Variants in STPG2 observed in about 807,000 individuals in gnomAD.
STPG2 encodes the protein sperm tail PG-rich repeat containing 2.
Under a neutral mutation model 54.2 loss-of-function variants are expected in STPG2, and 56 were observed. The observed-to-expected ratio is 1.03, with a 90% CI of 0.83 to 1.29. The LOEUF is 1.29. STPG2 is among the 50% of genes most tolerant of loss of function. STPG2 has a pLI of 0.00. For synonymous variants in STPG2, 200 were observed against 181.8 expected, an observed-to-expected ratio of 1.10 and a Z score of -0.81; for missense variants, 596 against 544.9, an observed-to-expected ratio of 1.09 and a Z score of -0.93.
chr4:97,716,666 AG>A lies in STPG2; in HGVS notation c.1205-3853del, dbSNP rs572426377. On this transcript the variant is annotated intron_variant, in intron 9 of 10. Coordinates refer to ENST00000295268, the MANE Select transcript of STPG2 (RefSeq NM_174952.3). The stretch of plus-strand genomic sequence containing the variant: ...ATGAACAATGAGAACACATGGACAC[AG>A]GGAGGGGAACATCACACACTGGAGG... Among the ~76,000 whole-genome samples, 69 of 130,766 alleles carry A rather than the reference AG, an allele frequency of 5.3e-4. 1 individual carries two copies. Among genetic ancestry groups the A allele is most frequent in the Admixed American group, 3.6e-3 (42 of 11,830 alleles). 85.8% of individuals were successfully genotyped at this position (130,766 alleles called of 152,430 possible). A position where few individuals can be genotyped will look rare whatever the true frequency, so the allele number is the denominator to read the frequency against.
intron 7 of STPG2, among the ~76,000 whole-genome samples, chr4:97,955,460 C>A (rs887284376): frequency 3.3e-5 from 5 of 152,082 alleles, no homozygotes; most frequent in Non-Finnish European, 7.4e-5. Flanking sequence ...CGTGATCCAC[C>A]CATCTCGGCC....
intron 5 of STPG2, among the ~76,000 whole-genome samples, chr4:98,018,939 T>C (rs1187233470): frequency 6.6e-6 from 1 of 152,020 alleles, no homozygotes. Flanking sequence ...GATGAGTAGG[T>C]TGCGAAAATT....
At chr4:97,914,623 A>G (rs957332818) in intron 8 of STPG2, among the ~76,000 whole-genome samples, 1 of 152,128 alleles carries the variant, frequency 6.6e-6, no homozygotes, top group Non-Finnish European at 1.5e-5. Flanking sequence ...CCACCATTCT[A>G]CAAGTTGCAC....
At chr4:97,902,901 C>A (rs1351484720) in intron 8 of STPG2, among the ~76,000 whole-genome samples, 1 of 151,992 alleles carries the variant, frequency 6.6e-6, no homozygotes, top group Non-Finnish European at 1.5e-5. Context: ...ACATAAGTGG[C>A]CACTAATGGA....
At position 97,773,684 on chromosome 4, in the gene STPG2, A is replaced by G. The variant is rs570036556; in HGVS notation, c.1205-60870T>C. Among the ~76,000 whole-genome samples the G allele has an allele frequency of 4.5e-4, 68 of 152,312 alleles. 1 individual carries two copies. Among genetic ancestry groups the G allele is most frequent in the African/African-American group, 1.5e-3 (64 of 41,562 alleles). ...ATCCTAAAATTACTATACTGTATTTATACTTTGAAAAGTTCAACTAAAAAG... is the reference window on the plus strand; with the variant it reads ...ATCCTAAAATTACTATACTGTATTTGTACTTTGAAAAGTTCAACTAAAAAG... On this transcript the variant is annotated intron_variant, in intron 9 of 10. Coordinates refer to ENST00000295268, the MANE Select transcript of STPG2 (RefSeq NM_174952.3).
intron 10 of STPG2, among the ~76,000 whole-genome samples, chr4:97,685,155 A>T (rs974314704): frequency 2.6e-5 from 4 of 152,056 alleles, no homozygotes; most frequent in African/African-American, 9.7e-5. Flanking sequence ...TTAGAAGACA[A>T]TCTGGCAGCG....
intron 9 of STPG2, among the ~76,000 whole-genome samples, chr4:97,724,434 A>G (rs1346922335): frequency 6.6e-6 from 1 of 152,128 alleles, no homozygotes; most frequent in African/African-American, 2.4e-5. Context: ...AATTCTCTTT[A>G]TGAAATTGTT....
Position 97,965,105 on chromosome 4 carries a change from A to G in STPG2, c.933+7175T>C, listed in dbSNP as rs946198802. Among the ~76,000 whole-genome samples the G allele has an allele frequency of 3.9e-5, 6 of 152,320 alleles. No homozygotes were observed. The South Asian group carries it at 8.3e-4, about 21-fold the overall frequency. ...TCCTAGCCAAGGGAAGCCGTGACAG[A>G]CTGTACCTGGAAAATTGTTTCACTC... On this transcript the variant is annotated intron_variant, in intron 7 of 10. Transcript: ENST00000295268.
At chr4:97,610,981 T>A (rs2148914797) in intron 10 of STPG2, among the ~76,000 whole-genome samples, 1 of 152,178 alleles carries the variant, frequency 6.6e-6, no homozygotes, top group East Asian at 1.9e-4. Context: ...ATACTATTTA[T>A]AAGTATCCAC....
chr4:97,467,921 T>C (rs1388396609), intron 4 of STPG2, among the ~76,000 whole-genome samples: 1 of 151,610 alleles, frequency 6.6e-6, no homozygotes, highest in Non-Finnish European at 1.5e-5. Context: ...GAGGTTCTTA[T>C]GTGGCATACT....
intron 5 of STPG2, among the ~76,000 whole-genome samples, chr4:98,040,969 C>T (rs979713579): frequency 1.3e-5 from 2 of 151,770 alleles, no homozygotes; most frequent in Non-Finnish European, 3.0e-5. Flanking sequence ...TCCCATTTCA[C>T]GAGCATGGGA....
chr4:98,138,261 A>C (rs1249844266), intron 1 of STPG2, among the ~76,000 whole-genome samples: 1 of 152,124 alleles, frequency 6.6e-6, no homozygotes, highest in Non-Finnish European at 1.5e-5. Flanking sequence ...CTGGGGAATT[A>C]GAGATGGTAG....
chr4:97,460,852 G>T (rs2148807535), intron 4 of STPG2, among the ~76,000 whole-genome samples: 1 of 152,240 alleles, frequency 6.6e-6, no homozygotes, highest in African/African-American at 2.4e-5. Context: ...TTGAACTTTA[G>T]ATAAATGGAA....
chr4:98,055,884 G>T (rs1737465870), intron 5 of STPG2, among the ~76,000 whole-genome samples: 1 of 152,044 alleles, frequency 6.6e-6, no homozygotes, highest in South Asian at 2.1e-4. Flanking sequence ...GAATGCTCTG[G>T]GAGCCCACAC....
intron 10 of STPG2, among the ~76,000 whole-genome samples, chr4:97,577,087 AT>A (rs1435000787): frequency 2.0e-5 from 3 of 152,176 alleles, no homozygotes; most frequent in Non-Finnish European, 4.4e-5. Flanking sequence ...AAGTAAAAAA[AT>A]AACAGATGTT....
intron 9 of STPG2, among the ~76,000 whole-genome samples, chr4:97,801,352 C>T (rs1449924935): frequency 1.3e-5 from 2 of 152,174 alleles, no homozygotes; most frequent in Admixed American, 6.5e-5. Flanking sequence ...TTTTATCATC[C>T]ACCCAGCTTA....
rs530495127 is a variant in STPG2 at position 97,636,023 on chromosome 4, A to T, written c.1320+76676T>A. Among the ~76,000 whole-genome samples, 1,193 of 152,228 alleles carry T rather than the reference A, an allele frequency of 7.8e-3. 13 individuals are homozygous for T. Among genetic ancestry groups the T allele is most frequent in the African/African-American group, 0.027 (1,115 of 41,500 alleles). Reference sequence around the variant, plus strand: ...ACATCTACAGAACTCTCCACCCCAAATCAACAGAATATACATTTTTTTCAG... The same window carrying T: ...ACATCTACAGAACTCTCCACCCCAATTCAACAGAATATACATTTTTTTCAG... On this transcript the variant is annotated intron_variant, in intron 10 of 10. Transcript: ENST00000295268.
At chr4:97,755,144 T>A (rs1004784109) in intron 9 of STPG2, among the ~76,000 whole-genome samples, 1 of 152,214 alleles carries the variant, frequency 6.6e-6, no homozygotes, top group Admixed American at 6.5e-5. Flanking sequence ...ATTTATCGGC[T>A]TCATTTCTCT....
At chr4:97,445,909 T>A (rs180964820) in intron 4 of STPG2, among the ~76,000 whole-genome samples, 3 of 152,198 alleles carry the variant, frequency 2.0e-5, no homozygotes, top group Admixed American at 1.3e-4. Flanking sequence ...AGAAAAGGAA[T>A]CTTTTTCTGG....
Sources: gnomAD v4.1 joint callset for allele counts (sites outside exome capture counted in the v4.1 genomes callset) on GRCh38, gnomAD v4.1.1 for gene constraint, MANE v1.5 for transcripts, NCBI Gene and HGNC (gene_info 2026-07-23, HGNC 2026-07-21) for gene names.